The following ATP8A2 variants were observed in gnomAD, a reference collection of about 807,000 sequenced individuals.
ATP8A2 encodes the protein phospholipid-transporting ATPase IB.
A neutral mutation model predicts 165.6 loss-of-function variants in ATP8A2; 100 were observed. That is an observed-to-expected ratio of 0.60 (90% CI 0.51 to 0.71). The LOEUF is 0.71. Among genes scored for constraint, ATP8A2 ranks in the 30% least tolerant of loss-of-function variants. The probability of loss-of-function intolerance (pLI) is 0.00; values close to 1 mark genes in which losing one functional copy is unlikely to be tolerated. For missense variants in ATP8A2, 1,227 were observed against 1,479.5 expected, an observed-to-expected ratio of 0.83 and a Z score of 2.80; for synonymous variants, 543 against 548.8, an observed-to-expected ratio of 0.99 and a Z score of 0.15.
intron 27 of ATP8A2, among the ~76,000 whole-genome samples, chr13:25,778,505 T>C (rs2044792797): frequency 6.6e-6 from 1 of 152,164 alleles, no homozygotes; most frequent in Non-Finnish European, 1.5e-5. Flanking sequence ...GCAGCTGCCT[T>C]AATTTAGTAC....
chr13:25,991,911 G>GTT (rs796888984), intron 35 of ATP8A2, among the ~76,000 whole-genome samples: 5,502 of 142,096 alleles, frequency 0.039, 149 homozygotes, highest in African/African-American at 0.067. Context: ...TTACTTTTAG[G>GTT]TTTTTTTTTT....
At chr13:25,558,167 G>T (rs2039037059) in intron 13 of ATP8A2, among the ~76,000 whole-genome samples, 1 of 152,172 alleles carries the variant, frequency 6.6e-6, no homozygotes. Context: ...CTTCCAAAGT[G>T]CTGGGATTAC....
intron 24 of ATP8A2, among the ~76,000 whole-genome samples, chr13:25,611,243 T>C (rs2040678564): frequency 6.6e-6 from 1 of 152,142 alleles, no homozygotes; most frequent in Non-Finnish European, 1.5e-5. Context: ...GGGGAATGCT[T>C]TCAACTTTTC....
At chr13:25,743,080 A>G (rs2043951423) in intron 25 of ATP8A2, among the ~76,000 whole-genome samples, 1 of 152,026 alleles carries the variant, frequency 6.6e-6, no homozygotes, top group Non-Finnish European at 1.5e-5. Flanking sequence ...TTTCAGATGT[A>G]TTGAGATGAG....
rs752444499 is a variant in ATP8A2 at position 25,564,002 on chromosome 13, A to C, written c.1444A>C (p.Arg482=). The change falls in exon 16 of 37, where the codon AGG becomes CGG. Residue 482 remains arginine, a synonymous_variant. Transcript: ENST00000381655. The stretch of plus-strand genomic sequence containing the variant: ...TGATTCCTGTGACTTTGATGACCCC[A>C]GGCTGTTGAAGAACATTGAGGATCG... ...CSDSCDFDDP[R]LLKNIEDRHP... is the part of the protein sequence containing the mutation. 1.9e-6 allele frequency: 3 copies of C among 1,613,454 alleles called. No homozygotes were observed. Among genetic ancestry groups the C allele is most frequent in the Non-Finnish European group, 2.5e-6 (3 of 1,179,428 alleles).
chr13:25,632,609 T>C (rs1046730378), intron 24 of ATP8A2, among the ~76,000 whole-genome samples: 4 of 152,168 alleles, frequency 2.6e-5, no homozygotes, highest in African/African-American at 9.6e-5. Flanking sequence ...ATCCTTTGCC[T>C]CATGCTACCT....
intron 33 of ATP8A2, among the ~76,000 whole-genome samples, chr13:25,895,471 CAAGGAT>C (rs1200321065): frequency 6.6e-6 from 1 of 152,128 alleles, no homozygotes; most frequent in African/African-American, 2.4e-5. Context: ...CAATGTTCAT[CAAGGAT>C]ATTGGTCTAA....
In ATP8A2 at chr13:25,574,868, C is replaced by G. The variant is rs767707151; in HGVS notation, c.1712+11C>G. 19 of 1,421,238 alleles carry G rather than the reference C, an allele frequency of 1.3e-5. No homozygotes were observed. The South Asian group carries it at 2.0e-4, about 15-fold the overall frequency. The allele number at this position is 1,421,238 out of a possible 1,614,324, so 88.0% of individuals were successfully genotyped here. ...CCTGGAATTTTCTAGGTATGTTTCT[C>G]TTTCATACGTTTGAAATAAAATAAT... is the stretch of plus-strand genomic sequence containing the variant. On this transcript the variant is annotated intron_variant, in intron 19 of 36. Transcript: ENST00000381655.
At chr13:25,971,350 T>A (rs1029397596) in intron 35 of ATP8A2, among the ~76,000 whole-genome samples, 8 of 152,022 alleles carry the variant, frequency 5.3e-5, no homozygotes, top group African/African-American at 1.9e-4. Flanking sequence ...CTTTCACACC[T>A]GCTTAGATTC....
intron 1 of ATP8A2, among the ~76,000 whole-genome samples, chr13:25,421,715 A>T (rs1242168035): frequency 3.3e-5 from 5 of 152,196 alleles, no homozygotes; most frequent in Non-Finnish European, 5.9e-5. Context: ...CTTGTACAGG[A>T]CTGGAAGTAG....
intron 24 of ATP8A2, among the ~76,000 whole-genome samples, chr13:25,622,161 G>A (rs563654665): frequency 1.8e-3 from 262 of 147,730 alleles, no homozygotes; most frequent in Middle Eastern, 3.5e-3. Context: ...AGCCGAGATG[G>A]CACCATTGCA....
intron 2 of ATP8A2, among the ~76,000 whole-genome samples, chr13:25,527,526 T>C (rs1481901410): frequency 6.6e-6 from 1 of 152,230 alleles, no homozygotes; most frequent in East Asian, 1.9e-4. Context: ...AGCTAATGGC[T>C]ATATATTTTG....
chr13:25,899,346 C>T (rs1330144572), intron 33 of ATP8A2, among the ~76,000 whole-genome samples: 1 of 152,140 alleles, frequency 6.6e-6, no homozygotes, highest in African/African-American at 2.4e-5. Context: ...TGTGACATGC[C>T]ACAACTCATT....
intron 7 of ATP8A2, among the ~76,000 whole-genome samples, chr13:25,539,384 G>T (rs900718868): frequency 6.6e-6 from 1 of 151,512 alleles, no homozygotes; most frequent in Non-Finnish European, 1.5e-5. Context: ...AAGTGCTGGG[G>T]TTACAAGCGT....
At chr13:25,921,646 A>T (rs2139033855) in intron 33 of ATP8A2, among the ~76,000 whole-genome samples, 1 of 151,844 alleles carries the variant, frequency 6.6e-6, no homozygotes, top group Admixed American at 6.6e-5. Flanking sequence ...AAAGAAAAAA[A>T]CTGAGTTGAA....
At chr13:25,656,849 T>G (rs2041940071) in intron 24 of ATP8A2, among the ~76,000 whole-genome samples, 1 of 151,268 alleles carries the variant, frequency 6.6e-6, no homozygotes, top group Non-Finnish European at 1.5e-5. Context: ...GGCCAGGAGT[T>G]CAAAACTAGC....
intron 33 of ATP8A2, among the ~76,000 whole-genome samples, chr13:25,925,398 G>T (rs1954572711): frequency 6.6e-6 from 1 of 152,032 alleles, no homozygotes; most frequent in Non-Finnish European, 1.5e-5. Flanking sequence ...GCCGGGTGTG[G>T]TGGCAGGCGC....
chr13:25,705,101 T>A (rs1383150770), intron 25 of ATP8A2: 1 of 378,484 alleles, frequency 2.6e-6, no homozygotes, highest in Non-Finnish European at 5.1e-6. Context: ...ATTTTCAATA[T>A]GTTCAAGAAA....
chr13:25,512,390 G>T lies in ATP8A2; in HGVS notation c.222-17609G>T, dbSNP rs1292579478. The stretch of plus-strand genomic sequence containing the variant: ...CATCATGGCCTGTTCTCAATGAGCT[G>T]TTGGGTACACCTCCCAGACGGGGTG... On this transcript the variant is annotated intron_variant, in intron 2 of 36. Coordinates refer to ENST00000381655, the MANE Select transcript of ATP8A2 (RefSeq NM_016529.6). Among the ~76,000 whole-genome samples the T allele has an allele frequency of 8.5e-5, 13 of 152,170 alleles. No homozygotes were observed. In the East Asian group the frequency reaches 1.9e-3, roughly 23 times the overall value.
Sources: gnomAD v4.1 joint callset for allele counts (sites outside exome capture counted in the v4.1 genomes callset) on GRCh38, gnomAD v4.1.1 for gene constraint, MANE v1.5 for transcripts, NCBI Gene and HGNC (gene_info 2026-07-23, HGNC 2026-07-21) for gene names.